The following COL4A2 variants were observed in gnomAD, a reference collection of about 807,000 sequenced individuals.
COL4A2 encodes collagen alpha-2(IV) chain.
In COL4A2, 99 loss-of-function variants were observed where a neutral mutation model predicts 200.2. That is an observed-to-expected ratio of 0.49 (90% CI 0.42 to 0.58). COL4A2 has a LOEUF of 0.58. Among genes scored for constraint, COL4A2 ranks in the 20% least tolerant of loss-of-function variants. COL4A2 has a pLI of 0.00. For missense variants in COL4A2, 1,950 were observed against 2,314.1 expected (o/e 0.84, Z 3.23); for synonymous variants, 897 against 900.6 (o/e 1.00, Z 0.07).
At chr13:110,507,902 T>A in intron 46 of COL4A2, 33 bp from the exon 47 acceptor site, 1 of 1,604,958 alleles carries the variant, frequency 6.2e-7, no homozygotes, top group Non-Finnish European at 8.5e-7. Flanking sequence ...CTAGCCACAC[T>A]GCACTGTGAT....
intron 12 of COL4A2, chr13:110,435,994 G>C (rs1594212658): frequency 3.9e-6 from 2 of 508,872 alleles, no homozygotes; most frequent in East Asian, 7.0e-5. Flanking sequence ...TCATTGTAAG[G>C]AAACAACCCC....
chr13:110,409,152 C>T (rs1164357932), intron 4 of COL4A2, among the ~76,000 whole-genome samples: 2 of 151,772 alleles, frequency 1.3e-5, no homozygotes, highest in Non-Finnish European at 2.9e-5. Context: ...CACACATGTA[C>T]ACACATGCAC....
chr13:110,505,614 G>A (rs975949776), intron 45 of COL4A2, among the ~76,000 whole-genome samples: 1 of 152,192 alleles, frequency 6.6e-6, no homozygotes, highest in Non-Finnish European at 1.5e-5. Flanking sequence ...AAGGGTCACT[G>A]GGGATAGCTG....
intron 28 of COL4A2, among the ~76,000 whole-genome samples, chr13:110,471,035 T>A (rs2139510445): frequency 6.6e-6 from 1 of 152,308 alleles, no homozygotes; most frequent in South Asian, 2.1e-4. Flanking sequence ...TCTCTGTGGT[T>A]TTGTTGCCCT....
intron 3 of COL4A2, among the ~76,000 whole-genome samples, chr13:110,342,091 C>T (rs917304418): frequency 3.9e-5 from 6 of 152,032 alleles, no homozygotes; most frequent in African/African-American, 9.7e-5. Context: ...TGGTTGACCT[C>T]GGGTACAAGA....
At chr13:110,511,379 A>AT (rs975982103) in intron 47 of COL4A2, among the ~76,000 whole-genome samples, 52 of 151,972 alleles carry the variant, frequency 3.4e-4, no homozygotes, top group African/African-American at 1.3e-3. Flanking sequence ...GCAAGTACAG[A>AT]TTTAAAAAAA....
At chr13:110,386,782 A>G (rs1566506200) in intron 4 of COL4A2, among the ~76,000 whole-genome samples, 1 of 152,222 alleles carries the variant, frequency 6.6e-6, no homozygotes, top group Non-Finnish European at 1.5e-5. Context: ...GAAGACCATG[A>G]TGTGGGACAG....
chr13:110,478,791 A>G (rs1882788806), intron 30 of COL4A2, among the ~76,000 whole-genome samples: 2 of 145,108 alleles, frequency 1.4e-5, no homozygotes, highest in Admixed American at 1.4e-4. Context: ...GTCCAGAAAA[A>G]CAGCTTTTTA....
chr13:110,308,339 T>C, intron 3 of COL4A2, among the ~76,000 whole-genome samples: 1 of 152,160 alleles, frequency 6.6e-6, no homozygotes, highest in East Asian at 1.9e-4. Context: ...AATCCTGTGT[T>C]TTGCAAGCGT....
chr13:110,443,264 C>T (rs185297288), intron 16 of COL4A2, among the ~76,000 whole-genome samples: 200 of 152,300 alleles, frequency 1.3e-3, no homozygotes, highest in Admixed American at 3.9e-3. Context: ...GGTGCTCCCT[C>T]GGCCACTGCA....
intron 3 of COL4A2, among the ~76,000 whole-genome samples, chr13:110,354,904 G>C (rs1442180784): frequency 6.6e-6 from 1 of 152,172 alleles, no homozygotes; most frequent in Non-Finnish European, 1.5e-5. Context: ...TGGCAGAGTG[G>C]GCCTGGCCAT....
intron 40 of COL4A2, among the ~76,000 whole-genome samples, chr13:110,500,225 A>G (rs7986192): frequency 2.0e-3 from 310 of 152,292 alleles, no homozygotes; most frequent in African/African-American, 7.1e-3. Flanking sequence ...CACTGTTGCT[A>G]CCTTTTCTCA....
chr13:110,496,560 T>C (rs1883461150), intron 40 of COL4A2, among the ~76,000 whole-genome samples: 1 of 151,276 alleles, frequency 6.6e-6, no homozygotes, highest in Non-Finnish European at 1.5e-5. Context: ...GGTGAGGATC[T>C]AGGGTCAGTC....
At chr13:110,417,283 G>C (rs1880078886) in intron 4 of COL4A2, among the ~76,000 whole-genome samples, 1 of 152,206 alleles carries the variant, frequency 6.6e-6, no homozygotes, top group East Asian at 1.9e-4. Flanking sequence ...AAAGCATTCG[G>C]CTAAGTGTTT....
intron 35 of COL4A2, 77 bp downstream of exon 35, chr13:110,489,585 T>C: frequency 6.3e-7 from 1 of 1,588,570 alleles, no homozygotes; most frequent in Non-Finnish European, 8.6e-7. Flanking sequence ...ATTTCAGACC[T>C]GCAAGTGCTG....
intron 20 of COL4A2, among the ~76,000 whole-genome samples, chr13:110,454,997 T>A (rs1309157445): frequency 6.6e-6 from 1 of 152,036 alleles, no homozygotes; most frequent in African/African-American, 2.4e-5. Context: ...CCTGGGCTAC[T>A]CTGCCTACCT....
chr13:110,512,029 T>A lies in COL4A2; in HGVS notation c.4977T>A (p.Asn1659Lys), dbSNP rs2139564517. Residue 1659 changes from asparagine (N) to lysine (K), a missense_variant, in exon 48 of 48, where the codon AAT (asparagine) becomes AAA (lysine). Coordinates refer to ENST00000360467, the MANE Select transcript of COL4A2 (RefSeq NM_001846.4). The part of the protein sequence containing the change: ...DFRATPFIEC[N>K]GGRGTCHYYA... ...GCGCCACACCATTCATCGAATGCAA[T>A]GGAGGCCGCGGCACCTGCCACTACT... 6.2e-7 allele frequency: 1 copy of A among 1,613,484 alleles called. No individual in the cohort carries two copies. The highest frequency in any genetic ancestry group is 1.1e-5 in the South Asian group (1 of 91,080).
intron 3 of COL4A2, among the ~76,000 whole-genome samples, chr13:110,325,436 G>A (rs967517327): frequency 6.6e-6 from 1 of 152,206 alleles, no homozygotes; most frequent in African/African-American, 2.4e-5. Context: ...CTCTCAGACA[G>A]AGTCCTTTGG....
intron 4 of COL4A2, among the ~76,000 whole-genome samples, chr13:110,408,695 G>T (rs942166132): frequency 6.6e-6 from 1 of 152,086 alleles, no homozygotes; most frequent in Non-Finnish European, 1.5e-5. Context: ...CATCCTTGCG[G>T]CATTGCTCCT....
Sources: gnomAD v4.1 joint callset for allele counts (sites outside exome capture counted in the v4.1 genomes callset) on GRCh38, gnomAD v4.1.1 for gene constraint, MANE v1.5 for transcripts, NCBI Gene and HGNC (gene_info 2026-07-23, HGNC 2026-07-21) for gene names.